RAD51B: variants seen among roughly 807,000 people sequenced by gnomAD.
The protein encoded by RAD51B is RAD51 paralog B.
In RAD51B, 38 loss-of-function variants were observed where a neutral mutation model predicts 42.2. The observed-to-expected ratio is 0.90, with a 90% CI of 0.70 to 1.18. RAD51B has a LOEUF of 1.18. Ranked by LOEUF, RAD51B falls within the 50% of genes most tolerant of loss-of-function variation. The probability of loss-of-function intolerance (pLI) is 0.00; values close to 1 mark genes in which losing one functional copy is unlikely to be tolerated. For missense variants in RAD51B, 373 were observed against 400.7 expected (o/e 0.93, Z 0.59); for synonymous variants, 154 against 145.2 (o/e 1.06, Z -0.43).
At chr14:68,042,326 AT>A (rs1189008383) in intron 7 of RAD51B, among the ~76,000 whole-genome samples, 1 of 152,014 alleles carries the variant, frequency 6.6e-6, no homozygotes, top group Non-Finnish European at 1.5e-5. Context: ...ATAGTATTTT[AT>A]TTTCTTAACT....
At position 68,468,062 on chromosome 14, in the gene RAD51B, T is replaced by C. The variant is rs180750787; in HGVS notation, c.958-110T>C. On this transcript the variant is annotated intron_variant, in intron 9 of 10. Transcript: ENST00000471583. ...GGTTTTTTTTTTTTTAAATAAGCCT[T>C]GTGACTTACAGTCCTATGTTACCAC... The C allele has an allele frequency of 9.6e-5, 87 of 908,736 alleles. No homozygotes were observed. The African/African-American group carries it at 1.2e-3, about 13-fold the overall frequency. 56.3% of individuals were successfully genotyped at this position (908,736 alleles called of 1,614,324 possible).
intron 7 of RAD51B, among the ~76,000 whole-genome samples, chr14:68,256,152 G>A (rs562127526): frequency 3.3e-5 from 5 of 152,172 alleles, no homozygotes; most frequent in Non-Finnish European, 7.4e-5. Context: ...TTGACAAAGG[G>A]ATACAGATTT....
intron 7 of RAD51B, among the ~76,000 whole-genome samples, chr14:68,106,434 T>G (rs1365206184): frequency 6.6e-6 from 1 of 151,962 alleles, no homozygotes; most frequent in Non-Finnish European, 1.5e-5. Context: ...TTCCAGTTGT[T>G]CTGTCAAACC....
chr14:67,877,683 T>G (rs565053631), intron 5 of RAD51B, among the ~76,000 whole-genome samples: 1 of 152,316 alleles, frequency 6.6e-6, no homozygotes, highest in South Asian at 2.1e-4. Context: ...TTAAAAAAAT[T>G]TATTAGAGAC....
chr14:68,182,745 C>T (rs140582802), intron 7 of RAD51B, among the ~76,000 whole-genome samples: 138 of 152,230 alleles, frequency 9.1e-4, no homozygotes, highest in Admixed American at 3.2e-3. Context: ...TTTCACCTTC[C>T]GGGGAAAATG....
downstream of RAD51B, among the ~76,000 whole-genome samples, chr14:68,613,393 G>A (rs1348505893): frequency 6.6e-6 from 1 of 151,624 alleles, no homozygotes; most frequent in Non-Finnish European, 1.5e-5. Context: ...ACTCCAGCCT[G>A]GGCAACAATA....
intron 10 of RAD51B, among the ~76,000 whole-genome samples, chr14:68,554,714 T>G (rs2140004273): frequency 6.6e-6 from 1 of 152,354 alleles, no homozygotes; most frequent in South Asian, 2.1e-4. Flanking sequence ...TCTACCATAA[T>G]GTCAGTGTGA....
At position 68,573,971 on chromosome 14, in the gene RAD51B, A is replaced by AGT. The variant is rs1555427935; in HGVS notation, c.1037-20507_1037-20506dup. Reference sequence around the variant, plus strand: ...GTGTGGGGGTGTGGGTGTGGGTGTCAGTGTGTGTATGTGTGTGTGTGTGTG... The same window carrying AGT: ...GTGTGGGGGTGTGGGTGTGGGTGTCAGTGTGTGTGTATGTGTGTGTGTGTGTG... On this transcript the variant is annotated intron_variant, in intron 10 of 10. Transcript: ENST00000487270. 9.8e-5 allele frequency among the ~76,000 whole-genome samples: 8 copies of AGT among 81,464 alleles called. No individual in the cohort carries two copies. The East Asian group carries it at 1.0e-3, about 11-fold the overall frequency. 53.4% of individuals were successfully genotyped at this position (81,464 alleles called of 152,430 possible).
chr14:67,926,503 C>G (rs1233363907), intron 7 of RAD51B, among the ~76,000 whole-genome samples: 2 of 150,798 alleles, frequency 1.3e-5, no homozygotes, highest in Admixed American at 1.3e-4. Flanking sequence ...TTCAACAAGT[C>G]CTTTTTTCTC....
chr14:68,671,462 C>T (rs1057469887), intron 11 of RAD51B, among the ~76,000 whole-genome samples: 2 of 152,120 alleles, frequency 1.3e-5, no homozygotes, highest in African/African-American at 4.8e-5. Flanking sequence ...TCCTCCATCC[C>T]TGCTCTTTGT....
chr14:68,471,774 C>T (rs1331286548), intron 10 of RAD51B, among the ~76,000 whole-genome samples: 5 of 151,968 alleles, frequency 3.3e-5, no homozygotes, highest in African/African-American at 1.2e-4. Context: ...CAACTCAGGC[C>T]ATTAACATGG....
At chr14:68,627,663 G>T (rs1212365494) in intron 10 of RAD51B, among the ~76,000 whole-genome samples, 1 of 152,110 alleles carries the variant, frequency 6.6e-6, no homozygotes, top group Non-Finnish European at 1.5e-5. Context: ...ATTACCTATG[G>T]GGTGCAATCA....
At chr14:68,298,144 CA>C (rs568062595) in intron 8 of RAD51B, among the ~76,000 whole-genome samples, 40 of 151,680 alleles carry the variant, frequency 2.6e-4, no homozygotes, top group African/African-American at 8.7e-4. Context: ...TTAAAAGCAC[CA>C]AAAAATGTGT....
intron 5 of RAD51B, among the ~76,000 whole-genome samples, chr14:67,881,382 G>C (rs1477640315): frequency 6.6e-6 from 1 of 152,218 alleles, no homozygotes; most frequent in African/African-American, 2.4e-5. Context: ...GAAGTGTTCA[G>C]TCTGATACTT....
At chr14:67,986,952 A>C (rs2075204843) in intron 7 of RAD51B, among the ~76,000 whole-genome samples, 1 of 152,122 alleles carries the variant, frequency 6.6e-6, no homozygotes, top group Non-Finnish European at 1.5e-5. Flanking sequence ...GGCTGGTCTC[A>C]AACTCCTGAC....
intron 10 of RAD51B, among the ~76,000 whole-genome samples, chr14:68,582,278 C>A (rs1890242485): frequency 6.6e-6 from 1 of 152,148 alleles, no homozygotes; most frequent in South Asian, 2.1e-4. Context: ...GGGCTAATAT[C>A]CAGAATCTAC....
At chr14:67,820,089 G>A (rs1271371053) in intron 1 of RAD51B, among the ~76,000 whole-genome samples, 1 of 152,218 alleles carries the variant, frequency 6.6e-6, no homozygotes, top group African/African-American at 2.4e-5. Flanking sequence ...GTTGGAAAAA[G>A]CTCTTTTTAG....
At chr14:68,527,046 C>A (rs1886978833) in intron 10 of RAD51B, among the ~76,000 whole-genome samples, 3 of 152,202 alleles carry the variant, frequency 2.0e-5, no homozygotes, top group Non-Finnish European at 4.4e-5. Flanking sequence ...AGAGAAGTTT[C>A]TGGGCAGAAC....
chr14:68,004,521 G>T (rs936630861), intron 7 of RAD51B, among the ~76,000 whole-genome samples: 2 of 152,018 alleles, frequency 1.3e-5, no homozygotes, highest in Non-Finnish European at 2.9e-5. Flanking sequence ...TCATCATGAA[G>T]ATATGGTAAA....
Sources: allele counts gnomAD v4.1 joint callset (sites outside exome capture counted in the v4.1 genomes callset), GRCh38; gene constraint gnomAD v4.1.1; transcripts MANE v1.5; gene names NCBI Gene and HGNC (gene_info 2026-07-23, HGNC 2026-07-21).